The following SLC10A2 variants were observed in gnomAD, a reference collection of about 807,000 sequenced individuals.
The protein encoded by SLC10A2 is ileal sodium/bile acid cotransporter.
SLC10A2 carries 34 observed loss-of-function variants against 27.1 expected under a neutral mutation model. That is an observed-to-expected ratio of 1.26 (90% CI 0.96 to 1.67). The LOEUF (loss-of-function observed/expected upper bound fraction) is 1.67, where lower values mean the gene tolerates loss of function less well. Among genes scored for constraint, SLC10A2 ranks in the 40% most tolerant of loss-of-function variants. The pLI is 0.00. For synonymous variants in SLC10A2, 205 were observed against 174.0 expected, an observed-to-expected ratio of 1.18 and a Z score of -1.40; for missense variants, 530 against 444.4, an observed-to-expected ratio of 1.19 and a Z score of -1.73.
rs200923932 is a variant in SLC10A2, at chr13:103,049,318, T to C, written c.890A>G (p.Gln297Arg). 1.9e-6 allele frequency: 3 copies of C among 1,613,868 alleles called. No homozygotes were observed. Among genetic ancestry groups the C allele is most frequent in the Non-Finnish European group, 2.5e-6 (3 of 1,179,836 alleles). Reference protein sequence around the residue: ...FTFPLIYSIFQLAFAAIFLGF... With the variant: ...FTFPLIYSIFRLAFAAIFLGF... The stretch of plus-strand genomic sequence containing the variant: ...TAAGAATATTGCGGCAAAGGCGAGC[T>C]GGAAAATGCTGTAGATGAGCGGGAA... Residue 297 changes from glutamine (Q) to arginine (R), a missense_variant, in exon 5 of 6, where the codon CAG becomes CGG. Transcript: ENST00000245312.
chr13:103,059,366 A>C (rs279919), intron 1 of SLC10A2, among the ~76,000 whole-genome samples: 134,488 of 152,216 alleles, frequency 0.88, 59,557 homozygotes, highest in African/African-American at 0.93. Flanking sequence ...AGGAAACTAT[A>C]AGCAGAGTAG....
At chr13:103,057,743 G>GT (rs1232466182) in intron 2 of SLC10A2, among the ~76,000 whole-genome samples, 4 of 152,028 alleles carry the variant, frequency 2.6e-5, no homozygotes, top group African/African-American at 9.7e-5. Flanking sequence ...GCCAGGCGTG[G>GT]TAGTGCATGC....
rs774640365 is a variant in SLC10A2, at chr13:103,058,318, A to C, written c.442T>G (p.Tyr148Asp). ...LGMMPLCLLI[Y>D]TKMWVDSGSI... is the part of the protein sequence containing the mutation. Reference sequence around the variant, plus strand: ...CCAGAGTCGACCCACATTTTGGTATAGATAAGGAGGCACAGCGGCATCATT... The same window carrying C: ...CCAGAGTCGACCCACATTTTGGTATCGATAAGGAGGCACAGCGGCATCATT... Residue 148 changes from tyrosine (Y) to aspartate (D), a missense_variant, in exon 2 of 6, where the codon TAT (tyrosine) becomes GAT (aspartate). By Grantham distance (160) the Tyr-to-Asp change is radical. Coordinates refer to ENST00000245312, the MANE Select transcript of SLC10A2 (RefSeq NM_000452.3). 1 of 1,613,860 alleles carries C rather than the reference A, an allele frequency of 6.2e-7. No homozygotes were observed. Among genetic ancestry groups the C allele is most frequent in the South Asian group, 1.1e-5 (1 of 91,068 alleles).
intron 1 of SLC10A2, among the ~76,000 whole-genome samples, chr13:103,059,875 C>T (rs545212995): frequency 1.3e-5 from 2 of 152,120 alleles, no homozygotes; most frequent in East Asian, 1.9e-4. Context: ...GGACAAGAAG[C>T]GGAAGCTGAC....
Position 103,052,715 on chromosome 13 carries a change from A to G in SLC10A2, c.497-7T>C. ...AGAGAAACCAGAGATGTACCTAAAG[A>G]TGACAGAAGGGCAATGTGATCAGCA... On this transcript the variant is annotated splice_polypyrimidine_tract_variant and splice_region_variant and intron_variant, in intron 2 of 5. Transcript: ENST00000245312. 6.5e-7 allele frequency: 1 copy of G among 1,540,202 alleles called. No individual in the cohort carries two copies.
chr13:103,066,216 T>C lies in SLC10A2; in HGVS notation c.34A>G (p.Thr12Ala). Residue 12 changes from threonine to alanine, a missense_variant, in exon 1 of 6, where the codon ACA (threonine) becomes GCA (alanine). Physicochemically the swap from Thr to Ala is moderately conservative, Grantham distance 58. Coordinates refer to ENST00000245312, the MANE Select transcript of SLC10A2 (RefSeq NM_000452.3). ...ACACAGGATGCACCAGAGCAAACTG[T>C]TGCATTGTCCACACAGCTGTTCGGA... ...NDPNSCVDNA[T>A]VCSGASCVVP... 6.2e-7 allele frequency: 1 copy of C among 1,613,404 alleles called. No homozygotes were observed. The highest frequency in any genetic ancestry group is 1.1e-5 in the South Asian group (1 of 91,050).
Position 103,058,270 on chromosome 13 carries a change from TATC to T in SLC10A2, c.487_489del (p.Asp163del). 6.4e-7 allele frequency: 1 copy of T among 1,565,306 alleles called. No homozygotes were observed. Among genetic ancestry groups the T allele is most frequent in the Non-Finnish European group, 8.8e-7 (1 of 1,135,532 alleles). On this transcript the variant is annotated inframe_deletion, in exon 2 of 6. Transcript: ENST00000245312. ...TTACAGATGGATGACTTACCTATGT[TATC>T]ATAGGGAATTACGATGCTCCCAGAG... is the stretch of plus-strand genomic sequence containing the variant.
chr13:103,060,458 C>T (rs1876081743), intron 1 of SLC10A2, among the ~76,000 whole-genome samples: 1 of 149,932 alleles, frequency 6.7e-6, no homozygotes, highest in Non-Finnish European at 1.5e-5. Flanking sequence ...CAACTTGGCT[C>T]ACTGAAGCCT....
chr13:103,047,775 C>T (rs72657858), intron 5 of SLC10A2, among the ~76,000 whole-genome samples: 1,973 of 152,116 alleles, frequency 0.013, 23 homozygotes, highest in East Asian at 0.05. Flanking sequence ...TAATCAACCT[C>T]TTTGGGGTTA....
At position 103,066,404 on chromosome 13, in the gene SLC10A2, C is replaced by A; in HGVS notation, c.-155G>T. The A allele has an allele frequency of 1.4e-6, 1 of 692,150 alleles. No individual in the cohort carries two copies. 42.9% of individuals were successfully genotyped at this position (692,150 alleles called of 1,614,324 possible). On this transcript the variant is annotated 5_prime_UTR_variant, in exon 1 of 6. Coordinates refer to ENST00000245312, the MANE Select transcript of SLC10A2 (RefSeq NM_000452.3). ...GTCACTTGGTGTCTCTTTTGAAAGC[C>A]ACCTTAGGGAAGTAATAAAAAACAA...
chr13:103,055,583 C>G (rs1875914202), intron 2 of SLC10A2, among the ~76,000 whole-genome samples: 1 of 152,090 alleles, frequency 6.6e-6, no homozygotes, highest in Admixed American at 6.5e-5. Context: ...AAACCAACAG[C>G]AAAAAGGTGA....
At chr13:103,049,895 C>G (rs568315948) in intron 4 of SLC10A2, among the ~76,000 whole-genome samples, 2 of 152,222 alleles carry the variant, frequency 1.3e-5, no homozygotes, top group South Asian at 4.1e-4. Context: ...AATCTCAGCA[C>G]TTTGGGAGGC....
chr13:103,048,472 CTA>C (rs775327351), intron 5 of SLC10A2, among the ~76,000 whole-genome samples: 2 of 151,606 alleles, frequency 1.3e-5, no homozygotes, highest in Non-Finnish European at 2.9e-5. Flanking sequence ...CAAAACCAAA[CTA>C]TATCTCTGGA....
chr13:103,052,423 A>G (rs565622574), intron 3 of SLC10A2, among the ~76,000 whole-genome samples, 197 bp downstream of exon 3: 1 of 115,130 alleles, frequency 8.7e-6, no homozygotes, highest in African/African-American at 3.6e-5. Context: ...AGCATTAGCA[A>G]CATAGTGAGA....
At chr13:103,052,768 CAGA>C (rs1875825250) in intron 2 of SLC10A2, 60 bp from the exon 3 acceptor site, 10 of 1,048,252 alleles carry the variant, frequency 9.5e-6, no homozygotes, top group South Asian at 7.5e-5. Context: ...AAGAGAAAAA[CAGA>C]AGAACAAGCA....
intron 1 of SLC10A2, among the ~76,000 whole-genome samples, chr13:103,061,394 A>G (rs567229202): frequency 2.0e-3 from 130 of 64,706 alleles, no homozygotes; most frequent in African/African-American, 5.2e-3. Flanking sequence ...TCCCTATAAT[A>G]AAATCACTTT....
intron 2 of SLC10A2, among the ~76,000 whole-genome samples, chr13:103,056,053 A>G (rs996133133): frequency 2.6e-5 from 4 of 152,248 alleles, no homozygotes; most frequent in Non-Finnish European, 5.9e-5. Context: ...GCTCCAGCCA[A>G]TGGAGACAGG....
At chr13:103,065,685 T>A (rs552239016) in intron 1 of SLC10A2, among the ~76,000 whole-genome samples, 188 bp downstream of exon 1, 2 of 152,318 alleles carry the variant, frequency 1.3e-5, no homozygotes, top group South Asian at 2.1e-4. Flanking sequence ...ACACAAAATA[T>A]AAATCCCCCA....
chr13:103,064,243 G>A (rs987194689), intron 1 of SLC10A2, among the ~76,000 whole-genome samples: 10 of 151,180 alleles, frequency 6.6e-5, no homozygotes, highest in African/African-American at 2.2e-4. Flanking sequence ...TCTACTTTTA[G>A]TTCTTATTAA....
Sources: allele counts gnomAD v4.1 joint callset (sites outside exome capture counted in the v4.1 genomes callset), GRCh38; gene constraint gnomAD v4.1.1; transcripts MANE v1.5; gene names NCBI Gene and HGNC (gene_info 2026-07-23, HGNC 2026-07-21).